RIMBP2: variants seen among roughly 807,000 people sequenced by gnomAD.
RIMBP2 encodes the protein RIMS binding protein 2, also known as RIMS-binding protein 2.
Under a neutral mutation model 118.6 loss-of-function variants are expected in RIMBP2, and 48 were observed. The ratio of observed to expected loss-of-function variants is 0.40; its 90% CI spans 0.32 to 0.51. The LOEUF (loss-of-function observed/expected upper bound fraction) is 0.51. Among genes scored for constraint, RIMBP2 ranks in the 20% least tolerant of loss-of-function variants. The pLI is 0.41. For missense variants in RIMBP2, 1,551 were observed against 1,768.3 expected, an observed-to-expected ratio of 0.88 and a Z score of 2.20; for synonymous variants, 762 against 742.9, an observed-to-expected ratio of 1.03 and a Z score of -0.42.
chr12:130,640,740 C>G (rs1436217264), intron 1 of RIMBP2, among the ~76,000 whole-genome samples: 5 of 152,206 alleles, frequency 3.3e-5, no homozygotes, highest in Non-Finnish European at 7.3e-5. Flanking sequence ...CATCTGGCCC[C>G]AGGGACCGCA....
intron 4 of RIMBP2, among the ~76,000 whole-genome samples, chr12:130,499,225 C>T (rs983479756): frequency 2.0e-5 from 3 of 152,168 alleles, no homozygotes; most frequent in Non-Finnish European, 4.4e-5. Context: ...CATCTCCCAC[C>T]AGGTCTCTTC....
chr12:130,416,585 A>G (rs1318753077), intron 17 of RIMBP2, among the ~76,000 whole-genome samples: 1 of 152,256 alleles, frequency 6.6e-6, no homozygotes, highest in East Asian at 1.9e-4. Context: ...AAGGTGGATC[A>G]AAGATTTGAA....
At chr12:130,506,218 C>T (rs895401315) in intron 4 of RIMBP2, among the ~76,000 whole-genome samples, 14 of 151,992 alleles carry the variant, frequency 9.2e-5, no homozygotes, top group African/African-American at 3.4e-4. Context: ...GTTACCTGTA[C>T]CCCCTGATAG....
At chr12:130,406,122 A>T in intron 21 of RIMBP2, 50 bp downstream of exon 21, 1 of 1,208,426 alleles carries the variant, frequency 8.3e-7, no homozygotes, top group Non-Finnish European at 1.2e-6. Flanking sequence ...ACACAAAATA[A>T]ATGAAAATAC....
At chr12:130,530,934 T>C (rs2053306077) in intron 2 of RIMBP2, among the ~76,000 whole-genome samples, 1 of 152,218 alleles carries the variant, frequency 6.6e-6, no homozygotes, top group Non-Finnish European at 1.5e-5. Flanking sequence ...CTTGGACAAA[T>C]TGAGCAGCTC....
At chr12:130,437,314 C>G (rs75914624) in intron 12 of RIMBP2, 23 bp from the exon 13 acceptor site, 1 of 1,546,664 alleles carries the variant, frequency 6.5e-7, no homozygotes, top group Non-Finnish European at 8.7e-7. Flanking sequence ...AGAGCTGGCT[C>G]GCGGGCTGCC....
chr12:130,664,446 C>CACGT (rs71088776), intron 1 of RIMBP2, among the ~76,000 whole-genome samples: 1 of 73,232 alleles, frequency 1.4e-5, no homozygotes, highest in South Asian at 4.3e-4. Flanking sequence ...CACGCACACA[C>CACGT]GCACACACAT....
intron 2 of RIMBP2, among the ~76,000 whole-genome samples, chr12:130,561,455 C>A (rs867411268): frequency 6.6e-6 from 1 of 152,174 alleles, no homozygotes; most frequent in South Asian, 2.1e-4. Context: ...GGGAACCTGA[C>A]TGATACGAGC....
In RIMBP2 at chr12:130,422,110, C is replaced by T. The variant is rs1377528829; in HGVS notation, c.3238+343G>A. 2.0e-5 allele frequency among the ~76,000 whole-genome samples: 3 copies of T among 152,204 alleles called. No homozygotes were observed. In the East Asian group the frequency reaches 5.8e-4, roughly 29 times the overall value. ...CCTGAGGCACGCTGACATCCAGCTT[C>T]TGCACCTGCCATGGACTGTGACCCT... On this transcript the variant is annotated intron_variant, in intron 17 of 22. Coordinates refer to ENST00000690449, the MANE Select transcript of RIMBP2 (RefSeq NM_001393629.1). The surrounding 1 kb of genome is among the most constrained non-coding windows in gnomAD (Gnocchi z 5.2).
chr12:130,423,754 A>G (rs887516593), intron 16 of RIMBP2, among the ~76,000 whole-genome samples: 9 of 149,292 alleles, frequency 6.0e-5, no homozygotes, highest in South Asian at 2.1e-4. Flanking sequence ...AATAACAAGG[A>G]AAAAAAACCC....
intron 21 of RIMBP2, among the ~76,000 whole-genome samples, chr12:130,404,241 A>G (rs2074938456): frequency 2.0e-5 from 3 of 152,204 alleles, no homozygotes. Context: ...TTTCTAAATA[A>G]CAGTGGAATA....
chr12:130,602,164 T>C (rs2059916396), intron 2 of RIMBP2, among the ~76,000 whole-genome samples: 1 of 152,134 alleles, frequency 6.6e-6, no homozygotes, highest in Non-Finnish European at 1.5e-5. Context: ...AAAAAAGAAA[T>C]ATTTATACAG....
At chr12:130,534,882 T>C (rs924494947) in intron 2 of RIMBP2, among the ~76,000 whole-genome samples, 22 of 152,316 alleles carry the variant, frequency 1.4e-4, no homozygotes, top group African/African-American at 5.1e-4. Context: ...AAACGGTCTA[T>C]CACTCAGCTC....
In RIMBP2 at chr12:130,412,784, A is replaced by G. The variant is rs1398474002; in HGVS notation, c.3424T>C (p.Tyr1142His). 6.2e-7 allele frequency: 1 copy of G among 1,611,916 alleles called. No individual in the cohort carries two copies. Among genetic ancestry groups the G allele is most frequent in the Admixed American group, 1.7e-5 (1 of 59,516 alleles). ...PFKEGQIIKVYGDKDADGFYR... is the reference protein window; with the variant it reads ...PFKEGQIIKVHGDKDADGFYR... ...AATCCATCAGCGTCTTTATCACCAT[A>G]AACCTAGAGCCAAGGGGGAAAATAA... Residue 1142 changes from tyrosine to histidine, a missense_variant, in exon 19 of 23, where the codon TAT becomes CAT. Tyr to His is a moderately conservative substitution (Grantham distance 83). Transcript: ENST00000690449.
intron 15 of RIMBP2, chr12:130,426,281 A>ATT (rs35232987): frequency 0.098 from 13,725 of 140,710 alleles, 958 homozygotes; most frequent in African/African-American, 0.18. Flanking sequence ...CATGATTTCT[A>ATT]TTTTTTTTTT....
At chr12:130,481,223 A>G (rs1028972354) in intron 4 of RIMBP2, among the ~76,000 whole-genome samples, 3 of 127,256 alleles carry the variant, frequency 2.4e-5, no homozygotes, top group African/African-American at 8.5e-5. Flanking sequence ...GGCTGATTAC[A>G]TTCTTCTTGC....
chr12:130,426,669 C>T (rs1300944758), intron 15 of RIMBP2: 2 of 152,450 alleles, frequency 1.3e-5, no homozygotes, highest in African/African-American at 4.8e-5. Context: ...GGCGATCCCC[C>T]TGTTGCTAAG....
At chr12:130,550,940 C>T (rs7295139) in intron 2 of RIMBP2, among the ~76,000 whole-genome samples, 1 of 152,106 alleles carries the variant, frequency 6.6e-6, no homozygotes, top group East Asian at 1.9e-4. Context: ...AAGTGGGTGC[C>T]GCACATTAAC....
intron 1 of RIMBP2, among the ~76,000 whole-genome samples, chr12:130,700,561 G>A (rs912059777): frequency 2.6e-5 from 4 of 152,230 alleles, no homozygotes; most frequent in African/African-American, 4.8e-5. Context: ...AGAAGGCCAT[G>A]TGGAGACAGA....
Sources: gnomAD v4.1 joint callset for allele counts (sites outside exome capture counted in the v4.1 genomes callset) on GRCh38, gnomAD v4.1.1 for gene constraint, Gnocchi (gnomAD v3.1) non-coding constraint, MANE v1.5 for transcripts, NCBI Gene and HGNC (gene_info 2026-07-23, HGNC 2026-07-21) for gene names.